THADA: variants seen among roughly 807,000 people sequenced by gnomAD.
THADA encodes the protein THADA armadillo repeat containing.
A neutral mutation model predicts 219.8 loss-of-function variants in THADA; 213 were observed. The ratio of observed to expected loss-of-function variants is 0.97; its 90% CI spans 0.87 to 1.09. THADA has a LOEUF of 1.09. THADA is among the 50% of genes least tolerant of loss of function. THADA has a pLI of 0.00. For missense variants in THADA, 2,956 were observed against 2,311.3 expected (o/e 1.28, Z -5.72); for synonymous variants, 1,018 against 828.9 (o/e 1.23, Z -3.92).
chr2:43,470,552 C>T (rs1243761110), intron 26 of THADA, among the ~76,000 whole-genome samples: 1 of 151,840 alleles, frequency 6.6e-6, no homozygotes, highest in Non-Finnish European at 1.5e-5. Flanking sequence ...AGGGAGGATA[C>T]AAAACTGTGT....
chr2:43,417,463 T>A (rs1410857341), intron 28 of THADA, among the ~76,000 whole-genome samples: 1 of 152,162 alleles, frequency 6.6e-6, no homozygotes, highest in Non-Finnish European at 1.5e-5. Flanking sequence ...AAAACTTCAG[T>A]TGAGCCAGTT....
intron 21 of THADA, among the ~76,000 whole-genome samples, chr2:43,528,753 G>A (rs1182641819): frequency 6.6e-6 from 1 of 152,004 alleles, no homozygotes; most frequent in African/African-American, 2.4e-5. Context: ...ACACACATAG[G>A]TCTAGGTGAA....
At chr2:43,527,234 C>A (rs186526761) in intron 22 of THADA, among the ~76,000 whole-genome samples, 2 of 152,114 alleles carry the variant, frequency 1.3e-5, no homozygotes, top group African/African-American at 4.8e-5. Context: ...AAAATACTAC[C>A]TTTTATTTAG....
At position 43,485,287 on chromosome 2, in the gene THADA, G is replaced by A; in HGVS notation, c.3783C>T (p.Ile1261=). 1 of 1,613,078 alleles carries A rather than the reference G, an allele frequency of 6.2e-7. No individual in the cohort carries two copies. ...NSSTLLFSAL[I]TRIFGVKRAK... is the part of the protein sequence containing the mutation. ...CCCTTTTAACTCCAAAAATTCTTGT[G>A]ATCAAGGCACTAAAGAGAAGTGTGG... The change falls in exon 26 of 38, where the codon ATC becomes ATT. Residue 1261 remains isoleucine (I), a synonymous_variant. Coordinates refer to ENST00000405975, the MANE Select transcript of THADA (RefSeq NM_022065.5).
chr2:43,309,413 C>T (rs1199869385), intron 31 of THADA, among the ~76,000 whole-genome samples: 1 of 152,132 alleles, frequency 6.6e-6, no homozygotes. Context: ...TATTCACGAT[C>T]TCCAAAAAGT....
intron 26 of THADA, among the ~76,000 whole-genome samples, chr2:43,466,562 TG>T (rs1303098214): frequency 6.6e-6 from 1 of 152,166 alleles, no homozygotes; most frequent in African/African-American, 2.4e-5. Flanking sequence ...GCAAAGACTT[TG>T]ACTTATTTAC....
At position 43,560,406 on chromosome 2, in the gene THADA, A is replaced by G. The variant is rs368962796; in HGVS notation, c.2312-21T>C. On this transcript the variant is annotated intron_variant, in intron 15 of 37. Transcript: ENST00000405975. ...TCTGCCTAAAAATATTTTAAAAACA[A>G]AAAGATTTAAAAGTGAACAAAAAGA... The G allele has an allele frequency of 6.8e-6, 10 of 1,460,292 alleles. No homozygotes were observed. The African/African-American group carries it at 1.4e-4, about 21-fold the overall frequency. The allele number at this position is 1,460,292 out of a possible 1,614,324, so 90.5% of individuals were successfully genotyped here.
At chr2:43,431,098 C>T (rs1257562236) in intron 26 of THADA, among the ~76,000 whole-genome samples, 1 of 152,230 alleles carries the variant, frequency 6.6e-6, no homozygotes, top group Non-Finnish European at 1.5e-5. Flanking sequence ...TAGGAACAAA[C>T]TGTCTCCATA....
At chr2:43,256,917 C>G (rs1670375506) in intron 36 of THADA, among the ~76,000 whole-genome samples, 1 of 152,162 alleles carries the variant, frequency 6.6e-6, no homozygotes, top group South Asian at 2.1e-4. Flanking sequence ...CAAACAAAAT[C>G]ACCTTCATTT....
intron 36 of THADA, among the ~76,000 whole-genome samples, chr2:43,253,562 G>A (rs1670026077): frequency 6.6e-6 from 1 of 152,066 alleles, no homozygotes; most frequent in Non-Finnish European, 1.5e-5. Flanking sequence ...TTTTCCTTAT[G>A]TGGGTTTCAT....
At chr2:43,359,364 C>A (rs576502792) in intron 29 of THADA, among the ~76,000 whole-genome samples, 1 of 152,190 alleles carries the variant, frequency 6.6e-6, no homozygotes, top group Non-Finnish European at 1.5e-5. Context: ...TGAGCCTCCT[C>A]GGATCCCTGA....
At chr2:43,243,781 A>C (rs1668854026) in intron 36 of THADA, among the ~76,000 whole-genome samples, 1 of 152,174 alleles carries the variant, frequency 6.6e-6, no homozygotes. Flanking sequence ...AACCCTTTAA[A>C]ATTCTAAGAA....
intron 24 of THADA, among the ~76,000 whole-genome samples, chr2:43,504,191 C>T (rs998980427): frequency 2.6e-5 from 4 of 151,988 alleles, no homozygotes; most frequent in African/African-American, 7.2e-5. Context: ...ATTTTTTTCA[C>T]ATTTCACTGA....
At chr2:43,562,650 A>G (rs1698209140) in intron 15 of THADA, 3 of 152,196 alleles carry the variant, frequency 2.0e-5, no homozygotes, top group Admixed American at 6.5e-5. Context: ...AGAGTCTCAG[A>G]AGGACTGGTG....
At chr2:43,305,381 C>T (rs989032036) in intron 31 of THADA, among the ~76,000 whole-genome samples, 3 of 152,152 alleles carry the variant, frequency 2.0e-5, no homozygotes, top group Middle Eastern at 3.2e-3. Flanking sequence ...GATTTGGAAA[C>T]TAACTTTGTC....
intron 15 of THADA, 78 bp downstream of exon 15, chr2:43,566,620 C>G: frequency 6.6e-7 from 1 of 1,512,160 alleles, no homozygotes; most frequent in Non-Finnish European, 9.1e-7. Flanking sequence ...ACTGAAACTT[C>G]AAATAAAGCA....
Position 43,595,490 on chromosome 2 carries a change from T to G in THADA, c.-25+441A>C, listed in dbSNP as rs577933104. ...GCAGGAGGATTTGCTCTTGCAATTC[T>G]GAGGGCTACACAAAAGCAGACTCGG... On this transcript the variant is annotated intron_variant, in intron 1 of 37. Coordinates refer to ENST00000405975, the MANE Select transcript of THADA (RefSeq NM_022065.5). Among the ~76,000 whole-genome samples, 5 of 152,370 alleles carry G rather than the reference T, an allele frequency of 3.3e-5. No homozygotes were observed. In the East Asian group the frequency reaches 9.6e-4, roughly 29 times the overall value.
chr2:43,488,654 T>C (rs927687855), intron 25 of THADA, among the ~76,000 whole-genome samples: 2 of 152,198 alleles, frequency 1.3e-5, no homozygotes, highest in Non-Finnish European at 2.9e-5. Context: ...CATGTACAAG[T>C]TTTTGTGTGA....
At chr2:43,591,775 T>C (rs907991680) in intron 3 of THADA, among the ~76,000 whole-genome samples, 177 bp downstream of exon 3, 1 of 152,086 alleles carries the variant, frequency 6.6e-6, no homozygotes. Flanking sequence ...ATATGGCTTC[T>C]ATTGCTGCTT....
Sources: allele counts gnomAD v4.1 joint callset (sites outside exome capture counted in the v4.1 genomes callset), GRCh38; gene constraint gnomAD v4.1.1; transcripts MANE v1.5; gene names NCBI Gene and HGNC (gene_info 2026-07-23, HGNC 2026-07-21).